GNAT3: variants seen among roughly 807,000 people sequenced by gnomAD.
GNAT3 encodes the protein guanine nucleotide-binding protein G(t) subunit alpha-3.
GNAT3 carries 31 observed loss-of-function variants against 37.7 expected under a neutral mutation model. That is an observed-to-expected ratio of 0.82 (90% CI 0.62 to 1.11). GNAT3 has a LOEUF of 1.11. Ranked by LOEUF, GNAT3 falls within the 50% of genes most tolerant of loss-of-function variation. The probability of loss-of-function intolerance (pLI) is 0.00; values close to 1 mark genes in which losing one functional copy is unlikely to be tolerated. For synonymous variants in GNAT3, 138 were observed against 139.8 expected (o/e 0.99, Z 0.09); for missense variants, 437 against 412.5 (o/e 1.06, Z -0.51).
At chr7:80,472,629 T>C (rs1443983819) in intron 5 of GNAT3, among the ~76,000 whole-genome samples, 1 of 152,250 alleles carries the variant, frequency 6.6e-6, no homozygotes, top group Admixed American at 6.5e-5. Context: ...GTTGGTGTTG[T>C]AGGGAGTGAC....
intron 4 of GNAT3, among the ~76,000 whole-genome samples, chr7:80,478,416 T>TCAAC (rs1238172079): frequency 6.6e-5 from 10 of 152,180 alleles, no homozygotes; most frequent in Non-Finnish European, 1.0e-4. Context: ...ATCATGGTCA[T>TCAAC]CAACCCAATG....
intron 4 of GNAT3, among the ~76,000 whole-genome samples, chr7:80,477,729 G>A (rs537845549): frequency 1.3e-5 from 2 of 152,094 alleles, no homozygotes; most frequent in South Asian, 2.1e-4. Flanking sequence ...TTAATTAAAC[G>A]ATGCTAGCAG....
At chr7:80,489,982 TC>T (rs1272041260) in intron 2 of GNAT3, among the ~76,000 whole-genome samples, 3 of 152,118 alleles carry the variant, frequency 2.0e-5, no homozygotes, top group Non-Finnish European at 4.4e-5. Context: ...AGTTAAAATG[TC>T]CAGTTGAAGT....
At chr7:80,472,412 G>A (rs1046860865) in intron 5 of GNAT3, among the ~76,000 whole-genome samples, 4 of 152,086 alleles carry the variant, frequency 2.6e-5, no homozygotes, top group African/African-American at 9.7e-5. Context: ...AAGCATGGAT[G>A]GTACATAGAT....
At chr7:80,510,985 G>T (rs192954716) in intron 1 of GNAT3, among the ~76,000 whole-genome samples, 9 of 152,120 alleles carry the variant, frequency 5.9e-5, no homozygotes, top group Admixed American at 1.3e-4. Context: ...AGAAGTAAGT[G>T]CTTGCTTTGT....
intron 5 of GNAT3, among the ~76,000 whole-genome samples, chr7:80,467,528 A>AT (rs1294053832): frequency 6.6e-6 from 1 of 151,884 alleles, no homozygotes; most frequent in Non-Finnish European, 1.5e-5. Context: ...GTAGTCATTT[A>AT]TTTTTCATAC....
intron 4 of GNAT3, among the ~76,000 whole-genome samples, chr7:80,477,428 T>G (rs776932748): frequency 6.6e-6 from 1 of 152,166 alleles, no homozygotes; most frequent in Non-Finnish European, 1.5e-5. Context: ...GAGACACTTA[T>G]GAAAAGTTAT....
At chr7:80,475,008 A>C (rs977197601) in intron 4 of GNAT3, among the ~76,000 whole-genome samples, 1 of 152,108 alleles carries the variant, frequency 6.6e-6, no homozygotes, top group Non-Finnish European at 1.5e-5. Context: ...CAATAAAAGA[A>C]GTACCATTTG....
At chr7:80,490,107 T>G (rs545776759) in intron 2 of GNAT3, among the ~76,000 whole-genome samples, 1 of 152,292 alleles carries the variant, frequency 6.6e-6, no homozygotes, top group Admixed American at 6.5e-5. Context: ...AAGCTTTTAC[T>G]GTGCATTTTC....
intron 4 of GNAT3, among the ~76,000 whole-genome samples, chr7:80,475,974 T>C (rs1316523499): frequency 2.0e-5 from 3 of 152,142 alleles, no homozygotes; most frequent in Non-Finnish European, 4.4e-5. Flanking sequence ...TTTGCTAGTG[T>C]ATTTATTTTC....
At position 80,492,361 on chromosome 7, in the gene GNAT3, A is replaced by T. The variant is rs559609724; in HGVS notation, c.161+2244T>A. Among the ~76,000 whole-genome samples, 8 of 151,458 alleles carry T rather than the reference A, an allele frequency of 5.3e-5. No individual in the cohort carries two copies. In the East Asian group the frequency reaches 1.2e-3, roughly 22 times the overall value. On this transcript the variant is annotated intron_variant, in intron 2 of 7. Transcript: ENST00000398291. Reference sequence around the variant, plus strand: ...CCTTTCTCAAATAAATAAATTAAATAAATAAATAAAATAAAATAAAAAATA... The same window carrying T: ...CCTTTCTCAAATAAATAAATTAAATTAATAAATAAAATAAAATAAAAAATA...
At chr7:80,506,695 T>A (rs941084872) in intron 1 of GNAT3, among the ~76,000 whole-genome samples, 1 of 152,172 alleles carries the variant, frequency 6.6e-6, no homozygotes, top group Non-Finnish European at 1.5e-5. Flanking sequence ...AGAATATTCA[T>A]GCATCCCAAA....
intron 4 of GNAT3, among the ~76,000 whole-genome samples, chr7:80,478,424 A>G (rs573712096): frequency 6.6e-6 from 1 of 152,330 alleles, no homozygotes; most frequent in East Asian, 1.9e-4. Flanking sequence ...CATCAACCCA[A>G]TGAGCCAAGG....
intron 2 of GNAT3, among the ~76,000 whole-genome samples, chr7:80,489,361 G>A (rs189426960): frequency 6.6e-6 from 1 of 152,170 alleles, no homozygotes; most frequent in African/African-American, 2.4e-5. Context: ...AGCTAAAATC[G>A]TTAGATATGC....
intron 1 of GNAT3, among the ~76,000 whole-genome samples, chr7:80,510,147 C>G (rs1027694097): frequency 6.6e-6 from 1 of 152,100 alleles, no homozygotes; most frequent in Non-Finnish European, 1.5e-5. Context: ...CCCAACCACC[C>G]TAGCCCCTAG....
intron 3 of GNAT3, among the ~76,000 whole-genome samples, chr7:80,488,137 A>G (rs1254669873): frequency 6.6e-6 from 1 of 152,134 alleles, no homozygotes; most frequent in Non-Finnish European, 1.5e-5. Context: ...GTCAAACATT[A>G]ATTATAATTG....
In GNAT3 at chr7:80,507,505, A is replaced by G. The variant is rs572461289; in HGVS notation, c.118+4304T>C. ...TATTTGGGAATCTCTTATGCCAAAG[A>G]ATAAACCACGTTTGTCTAGATCTTT... On this transcript the variant is annotated intron_variant, in intron 1 of 7. Transcript: ENST00000398291. 4.8e-4 allele frequency among the ~76,000 whole-genome samples: 73 copies of G among 152,144 alleles called. 1 individual carries two copies. Among genetic ancestry groups the G allele is most frequent in the Admixed American group, 4.5e-3 (69 of 15,286 alleles).
At chr7:80,465,542 T>G (rs937021167) in intron 5 of GNAT3, among the ~76,000 whole-genome samples, 3 of 152,126 alleles carry the variant, frequency 2.0e-5, no homozygotes, top group African/African-American at 7.2e-5. Flanking sequence ...GGCACCACGA[T>G]AGGTTCGATA....
chr7:80,501,663 T>A (rs548133711), intron 1 of GNAT3, among the ~76,000 whole-genome samples: 7 of 152,086 alleles, frequency 4.6e-5, no homozygotes, highest in Admixed American at 4.6e-4. Flanking sequence ...TTGTAATATT[T>A]TTGTTATTTT....
Sources: allele counts gnomAD v4.1 joint callset (sites outside exome capture counted in the v4.1 genomes callset), GRCh38; gene constraint gnomAD v4.1.1; transcripts MANE v1.5; gene names NCBI Gene and HGNC (gene_info 2026-07-23, HGNC 2026-07-21).